PTPRD: variants seen among roughly 807,000 people sequenced by gnomAD.
The protein encoded by PTPRD is protein tyrosine phosphatase receptor type D, also known as receptor-type tyrosine-protein phosphatase delta.
In PTPRD, 34 loss-of-function variants were observed where a neutral mutation model predicts 214.5. The observed-to-expected ratio is 0.16, with a 90% CI of 0.12 to 0.21. The LOEUF (loss-of-function observed/expected upper bound fraction) is 0.21, where lower values mean the gene tolerates loss of function less well. PTPRD is among the 10% of genes least tolerant of loss of function. The pLI, the probability that PTPRD is intolerant of heterozygous loss-of-function variation, is 1.00. For synonymous variants in PTPRD, 1,128 were observed against 845.7 expected (o/e 1.33, Z -5.79); for missense variants, 2,545 against 2,398.7 (o/e 1.06, Z -1.27).
intron 3 of PTPRD, among the ~76,000 whole-genome samples, chr9:10,268,115 CT>C (rs375227811): frequency 0.53 from 70,198 of 132,776 alleles, 19,313 homozygotes; most frequent in Non-Finnish European, 0.63. Context: ...CCATCTCCAT[CT>C]TTTTTTTTTT....
At chr9:8,983,692 A>G (rs891550829) in intron 11 of PTPRD, among the ~76,000 whole-genome samples, 4 of 150,636 alleles carry the variant, frequency 2.7e-5, no homozygotes, top group African/African-American at 9.8e-5. Context: ...TTTCTTTTTT[A>G]CTTTTTGTAG....
intron 10 of PTPRD, among the ~76,000 whole-genome samples, chr9:9,062,074 C>T (rs754860767): frequency 6.6e-6 from 1 of 152,152 alleles, no homozygotes; most frequent in Non-Finnish European, 1.5e-5. Flanking sequence ...TAACCCCAAT[C>T]CCTTATGCTC....
rs74894774 is a variant in PTPRD, at chr9:10,285,970, G to A, written c.-545+54993C>T. On this transcript the variant is annotated intron_variant, in intron 3 of 45. Transcript: ENST00000381196. ...TAGGTACCAGACTCAATAGGATTAT[G>A]TAGAAGATTAACTTTTTAGTTATAT... Among the ~76,000 whole-genome samples the A allele has an allele frequency of 4.3e-4, 66 of 152,234 alleles. 2 individuals carry two copies. In the East Asian group the frequency reaches 0.012, roughly 28 times the overall value.
At position 9,931,576 on chromosome 9, in the gene PTPRD, A is replaced by G. The variant is rs201796871; in HGVS notation, c.-368+6931T>C. Among the ~76,000 whole-genome samples, 106 of 152,244 alleles carry G rather than the reference A, an allele frequency of 7.0e-4. No homozygotes were observed. In the East Asian group the frequency reaches 0.018, roughly 26 times the overall value. ...TCCCGCACGTGGCTCGGAGGGTCCTATGCCCACGGAGTCTCGCTGATTGCT... is the reference window on the plus strand; with the variant it reads ...TCCCGCACGTGGCTCGGAGGGTCCTGTGCCCACGGAGTCTCGCTGATTGCT... On this transcript the variant is annotated intron_variant, in intron 5 of 45. Coordinates refer to ENST00000381196, the MANE Select transcript of PTPRD (RefSeq NM_002839.4).
intron 11 of PTPRD, among the ~76,000 whole-genome samples, chr9:8,926,428 T>C (rs367626735): frequency 6.6e-6 from 1 of 152,198 alleles, no homozygotes; most frequent in Admixed American, 6.6e-5. Context: ...TAGTAAATTT[T>C]ATCTCGTAGA....
At chr9:8,999,388 C>T (rs943086290) in intron 11 of PTPRD, among the ~76,000 whole-genome samples, 1 of 152,054 alleles carries the variant, frequency 6.6e-6, no homozygotes, top group African/African-American at 2.4e-5. Flanking sequence ...CCTGCACTAG[C>T]AAAAAGATTA....
At chr9:9,428,826 G>C (rs921470577) in intron 8 of PTPRD, among the ~76,000 whole-genome samples, 1 of 152,138 alleles carries the variant, frequency 6.6e-6, no homozygotes, top group African/African-American at 2.4e-5. Context: ...AGAAATGAAG[G>C]CAGAAATAAA....
intron 9 of PTPRD, among the ~76,000 whole-genome samples, chr9:9,375,841 T>C (rs544989442): frequency 6.6e-6 from 1 of 152,066 alleles, no homozygotes; most frequent in Non-Finnish European, 1.5e-5. Flanking sequence ...TTTGCGATGA[T>C]GAAAAAGTCC....
chr9:8,943,288 A>C (rs1220712288), intron 11 of PTPRD, among the ~76,000 whole-genome samples: 1 of 152,048 alleles, frequency 6.6e-6, no homozygotes. Flanking sequence ...TAAAATTTTT[A>C]TGGAACACAA....
intron 14 of PTPRD, among the ~76,000 whole-genome samples, chr9:8,577,023 A>G (rs1451229052): frequency 1.3e-5 from 2 of 152,150 alleles, no homozygotes; most frequent in Non-Finnish European, 2.9e-5. Flanking sequence ...AGCTAGAGCC[A>G]AGCTTCAAAA....
Position 10,286,936 on chromosome 9 carries a change from C to T in PTPRD, c.-545+54027G>A, listed in dbSNP as rs546414300. ...GTTAATGTTGGTATCAACCCATACA[C>T]AAAAACTGATGTCTTAAGCATGGTA... On this transcript the variant is annotated intron_variant, in intron 3 of 45. Transcript: ENST00000381196. 2.0e-5 allele frequency among the ~76,000 whole-genome samples: 3 copies of T among 152,082 alleles called. No individual in the cohort carries two copies. In the South Asian group the frequency reaches 6.2e-4, roughly 32 times the overall value.
intron 3 of PTPRD, among the ~76,000 whole-genome samples, chr9:10,226,693 T>A (rs546544869): frequency 8.5e-5 from 13 of 152,148 alleles, no homozygotes; most frequent in African/African-American, 3.1e-4. Context: ...AGCTAGCCCT[T>A]TTCCCATTTT....
At chr9:9,568,152 G>C (rs1028470888) in intron 8 of PTPRD, among the ~76,000 whole-genome samples, 16 of 151,792 alleles carry the variant, frequency 1.1e-4, no homozygotes, top group African/African-American at 3.6e-4. Flanking sequence ...TGTATAATAA[G>C]AAGCCTTTCT....
chr9:9,048,809 G>C (rs907415149), intron 10 of PTPRD, among the ~76,000 whole-genome samples: 8 of 152,098 alleles, frequency 5.3e-5, no homozygotes, highest in African/African-American at 1.9e-4. Flanking sequence ...AACTTAAGGA[G>C]TGTAATAGAA....
intron 22 of PTPRD, among the ~76,000 whole-genome samples, chr9:8,505,479 G>A (rs567144597): frequency 1.1e-4 from 17 of 151,858 alleles, no homozygotes; most frequent in African/African-American, 3.4e-4. Flanking sequence ...AAAATTAGCC[G>A]GGTGTGGTGG....
intron 9 of PTPRD, among the ~76,000 whole-genome samples, chr9:9,357,725 A>AAAC (rs4008109): frequency 0.016 from 2,413 of 150,756 alleles, 59 homozygotes; most frequent in African/African-American, 0.054. Context: ...AAAAAAAAAA[A>AAAC]ATGACACAGT....
intron 2 of PTPRD, among the ~76,000 whole-genome samples, chr9:10,597,829 T>A (rs2076966238): frequency 6.6e-6 from 1 of 151,860 alleles, no homozygotes; most frequent in Non-Finnish European, 1.5e-5. Flanking sequence ...TAGTGAATAA[T>A]TCTATAGTTT....
Position 8,404,553 on chromosome 9 carries a change from G to C in PTPRD, c.4194C>G (p.Leu1398=). 6.2e-7 allele frequency: 1 copy of C among 1,612,430 alleles called. No homozygotes were observed. Among genetic ancestry groups the C allele is most frequent in the Non-Finnish European group, 8.5e-7 (1 of 1,178,734 alleles). Residue 1398 remains leucine, a synonymous_variant, in exon 36 of 46, where the codon CTC becomes CTG. Transcript: ENST00000381196. The stretch of plus-strand genomic sequence containing the variant: ...TTTCCTTACCTTCTATAGCTGATAG[G>C]AGAACCCGGGAATGATCATATGCGA... ...NVIAYDHSRV[L]LSAIEGIPGS...
intron 2 of PTPRD, among the ~76,000 whole-genome samples, chr9:10,443,195 C>A (rs767587969): frequency 6.6e-6 from 1 of 151,278 alleles, no homozygotes; most frequent in Non-Finnish European, 1.5e-5. Context: ...ATAAAATGTT[C>A]ACATTGAGAC....
Sources: gnomAD v4.1 joint callset for allele counts (sites outside exome capture counted in the v4.1 genomes callset) on GRCh38, gnomAD v4.1.1 for gene constraint, MANE v1.5 for transcripts, NCBI Gene and HGNC (gene_info 2026-07-23, HGNC 2026-07-21) for gene names.